The following MEIS3 variants were observed in gnomAD, a reference collection of about 807,000 sequenced individuals.
MEIS3 encodes the protein Meis homeobox 3.
In MEIS3, 38 loss-of-function variants were observed where a neutral mutation model predicts 51.4. That is an observed-to-expected ratio of 0.74 (90% CI 0.57 to 0.97). The LOEUF (loss-of-function observed/expected upper bound fraction) is 0.97, where lower values mean the gene tolerates loss of function less well. Among genes scored for constraint, MEIS3 ranks in the 50% least tolerant of loss-of-function variants. MEIS3 has a pLI of 0.00. For missense variants in MEIS3, 456 were observed against 502.6 expected (o/e 0.91, Z 0.89); for synonymous variants, 198 against 201.8 (o/e 0.98, Z 0.16).
At chr19:47,416,574 C>G in intron 4 of MEIS3, 78 bp downstream of exon 4, 11 of 1,247,812 alleles carry the variant, frequency 8.8e-6, no homozygotes, top group Non-Finnish European at 1.2e-5. Flanking sequence ...CTGCACCCCC[C>G]CCACCAACCC....
chr19:47,406,212 G>A (rs1970808726), intron 12 of MEIS3: 10 of 405,158 alleles, frequency 2.5e-5, no homozygotes, highest in East Asian at 4.2e-5. Flanking sequence ...ATTGAGTAAC[G>A]GATGGATAAA....
rs568947980 is a variant in MEIS3, at chr19:47,417,534, C to G, written c.13-184G>C. Reference sequence around the variant, plus strand: ...CCCTCCAGGTCCCCTGGAGCTGCCTCGGTGGGGAGTGAGGACCCCGTCCAG... The same window carrying G: ...CCCTCCAGGTCCCCTGGAGCTGCCTGGGTGGGGAGTGAGGACCCCGTCCAG... On this transcript the variant is annotated intron_variant, in intron 1 of 12. Coordinates refer to ENST00000558555, the MANE Select transcript of MEIS3 (RefSeq NM_001301059.2). 5 of 755,156 alleles carry G rather than the reference C, an allele frequency of 6.6e-6. No homozygotes were observed. The African/African-American group carries it at 8.6e-5, about 13-fold the overall frequency. 46.8% of individuals were successfully genotyped at this position (755,156 alleles called of 1,614,324 possible).
At chr19:47,409,581 C>CG in intron 6 of MEIS3, 34 bp from the exon 7 acceptor site, 1 of 1,544,332 alleles carries the variant, frequency 6.5e-7, no homozygotes, top group Non-Finnish European at 8.9e-7. Context: ...AGTGCCAAGG[C>CG]GGCCGGGCGC....
At chr19:47,417,836 C>T (rs1378373148) in intron 1 of MEIS3, 10 of 610,552 alleles carry the variant, frequency 1.6e-5, no homozygotes, top group South Asian at 7.7e-5. Context: ...CTCCACTCGC[C>T]ACGTGAATCT....
upstream of MEIS3, among the ~76,000 whole-genome samples, chr19:47,422,048 GGCGCCCACCCCT>G (rs1365089909): frequency 6.6e-6 from 1 of 151,772 alleles, no homozygotes; most frequent in African/African-American, 2.4e-5. Flanking sequence ...TCTTGGTGGG[GGCGCCCACCCCT>G]GCGCCCGCCC....
intron 6 of MEIS3, among the ~76,000 whole-genome samples, chr19:47,410,877 C>T (rs1366772013): frequency 6.6e-6 from 1 of 152,230 alleles, no homozygotes; most frequent in Non-Finnish European, 1.5e-5. Flanking sequence ...TTACACAGGT[C>T]TATGGCATCT....
chr19:47,403,859 G>A (rs1970699144), intron 12 of MEIS3, among the ~76,000 whole-genome samples: 1 of 152,034 alleles, frequency 6.6e-6, no homozygotes, highest in Admixed American at 6.6e-5. Flanking sequence ...AACGACATGG[G>A]AAGAGAGAGA....
rs1466726850 is a variant in MEIS3, at chr19:47,419,289, C to A, written c.-208G>T. 8.3e-6 allele frequency: 2 copies of A among 240,554 alleles called. No individual in the cohort carries two copies. Among genetic ancestry groups the A allele is most frequent in the Non-Finnish European group, 7.8e-6 (1 of 127,572 alleles). The allele number at this position is 240,554 out of a possible 1,614,324, so 14.9% of individuals were successfully genotyped here. The stretch of plus-strand genomic sequence containing the variant: ...GCGCATGGACCCCGGCCCCCGCCCC[C>A]AGCGGGGGTCACGGCCAGGAGCGCA... On this transcript the variant is annotated 5_prime_UTR_variant, in exon 1 of 13. Coordinates refer to ENST00000558555, the MANE Select transcript of MEIS3 (RefSeq NM_001301059.2).
At chr19:47,413,683 C>T (rs970377376) in intron 6 of MEIS3, among the ~76,000 whole-genome samples, 3 of 150,962 alleles carry the variant, frequency 2.0e-5, no homozygotes, top group African/African-American at 7.3e-5. Flanking sequence ...AGTGAGGCTG[C>T]GTCTGAGATG....
chr19:47,414,881 G>A lies in MEIS3; in HGVS notation c.448-15C>T, dbSNP rs1971322558. ...AGGTCGTGGACCTGGGGGGGCACCG[G>A]GGTACTGGGGGGGGCCACCCACGGG... On this transcript the variant is annotated splice_polypyrimidine_tract_variant and intron_variant, in intron 5 of 12. Transcript: ENST00000558555. 1.3e-6 allele frequency: 2 copies of A among 1,598,584 alleles called. No individual in the cohort carries two copies. The highest frequency in any genetic ancestry group is 1.7e-6 in the Non-Finnish European group (2 of 1,168,696).
chr19:47,408,910 G>A (rs1970978332), intron 8 of MEIS3, among the ~76,000 whole-genome samples, 189 bp downstream of exon 8: 1 of 152,040 alleles, frequency 6.6e-6, no homozygotes, highest in Non-Finnish European at 1.5e-5. Context: ...AGTGTCCTGA[G>A]CGGCACCTGC....
Position 47,409,193 on chromosome 19 carries a change from T to C in MEIS3, c.764A>G (p.Asp255Gly), listed in dbSNP as rs765827343. The C allele has an allele frequency of 6.2e-7, 1 of 1,613,238 alleles. No homozygotes were observed. Among genetic ancestry groups the C allele is most frequent in the African/African-American group, 1.3e-5 (1 of 74,946 alleles). Reference sequence around the variant, plus strand: ...GTTTCGCCGTCGCTCCTGGTCCAAGTCCTCATCTTCTCCACCAGAACTGGG... The same window carrying C: ...GTTTCGCCGTCGCTCCTGGTCCAAGCCCTCATCTTCTCCACCAGAACTGGG... ...ASPSSGGEDE[D>G]LDQERRRNKK... The change falls in exon 8 of 13, where the codon GAC becomes GGC. Residue 255 changes from aspartate (D) to glycine (G), a missense_variant. Coordinates refer to ENST00000558555, the MANE Select transcript of MEIS3 (RefSeq NM_001301059.2).
At chr19:47,408,569 G>A (rs12460680) in intron 8 of MEIS3, among the ~76,000 whole-genome samples, 36,264 of 151,664 alleles carry the variant, frequency 0.24, 4,583 homozygotes, top group Middle Eastern at 0.39. Flanking sequence ...TCTGTGACTC[G>A]GCCTCTCCCT....
At chr19:47,412,249 G>A (rs1169136197) in intron 6 of MEIS3, 1 of 152,174 alleles carries the variant, frequency 6.6e-6, no homozygotes, top group East Asian at 1.9e-4. Context: ...ATGGACTGCA[G>A]TAACAGTTCT....
chr19:47,416,982 A>G lies in MEIS3; in HGVS notation c.186-19T>C. 6.4e-7 allele frequency: 1 copy of G among 1,562,490 alleles called. No homozygotes were observed. The highest frequency in any genetic ancestry group is 8.7e-7 in the Non-Finnish European group (1 of 1,153,558). Reference sequence around the variant, plus strand: ...CGGGTGTCTGGGGAGGCAGGAAAGGAGAGAGGTTGAGGGAGAGGCTGGGAG... The same window carrying G: ...CGGGTGTCTGGGGAGGCAGGAAAGGGGAGAGGTTGAGGGAGAGGCTGGGAG... On this transcript the variant is annotated intron_variant, in intron 2 of 12. Coordinates refer to ENST00000558555, the MANE Select transcript of MEIS3 (RefSeq NM_001301059.2).
chr19:47,411,524 G>T (rs1971129405), intron 6 of MEIS3, among the ~76,000 whole-genome samples: 1 of 149,982 alleles, frequency 6.7e-6, no homozygotes, highest in African/African-American at 2.4e-5. Context: ...GTCTGGGGCT[G>T]TATTATCTTT....
Position 47,409,217 on chromosome 19 carries a change from G to A in MEIS3, c.740C>T (p.Pro247Leu). ...GTCCTCATCTTCTCCACCAGAACTG[G>A]GAGAGGCCACGCTGGTGTCCAGCCC... The part of the protein sequence containing the change: ...GDGLDTSVAS[P>L]SSGGEDEDLD... The change falls in exon 8 of 13, where the codon CCC becomes CTC. Residue 247 changes from proline (P) to leucine (L), a missense_variant. Pro to Leu is a moderately conservative substitution (Grantham distance 98). Transcript: ENST00000558555. The A allele has an allele frequency of 6.2e-7, 1 of 1,613,266 alleles. No homozygotes were observed. Among genetic ancestry groups the A allele is most frequent in the South Asian group, 1.1e-5 (1 of 91,032 alleles).
In MEIS3 at chr19:47,419,269, T is replaced by TGGACCCC. The variant is rs1343001998; in HGVS notation, c.-195_-189dup. On this transcript the variant is annotated 5_prime_UTR_variant, in exon 1 of 13. Coordinates refer to ENST00000558555, the MANE Select transcript of MEIS3 (RefSeq NM_001301059.2). ...CCGGGCCGGGTGGGGACTCCGCGCATGGACCCCGGCCCCCGCCCCCAGCGG... is the reference window on the plus strand; with the variant it reads ...CCGGGCCGGGTGGGGACTCCGCGCATGGACCCCGGACCCCGGCCCCCGCCCCCAGCGG... The TGGACCCC allele has an allele frequency of 6.9e-6, 2 of 288,350 alleles. No homozygotes were observed. Among genetic ancestry groups the TGGACCCC allele is most frequent in the Non-Finnish European group, 6.3e-6 (1 of 158,526 alleles). The allele number at this position is 288,350 out of a possible 1,614,324, so 17.9% of individuals were successfully genotyped here.
At chr19:47,417,754 C>A (rs1316334961) in intron 1 of MEIS3, 1 of 660,274 alleles carries the variant, frequency 1.5e-6, no homozygotes, top group Non-Finnish European at 2.8e-6. Context: ...ACATACGAAG[C>A]CTCCCTGTCT....
Sources: gnomAD v4.1 joint callset for allele counts (sites outside exome capture counted in the v4.1 genomes callset) on GRCh38, gnomAD v4.1.1 for gene constraint, MANE v1.5 for transcripts, NCBI Gene and HGNC (gene_info 2026-07-23, HGNC 2026-07-21) for gene names.